ZDHHC3: variants seen among roughly 807,000 people sequenced by gnomAD.
ZDHHC3 encodes zDHHC palmitoyltransferase 3.
Under a neutral mutation model 30.6 loss-of-function variants are expected in ZDHHC3, and 9 were observed. The ratio of observed to expected loss-of-function variants is 0.29; its 90% CI spans 0.18 to 0.51. The LOEUF (loss-of-function observed/expected upper bound fraction) is 0.51, where lower values mean the gene tolerates loss of function less well. Among genes scored for constraint, ZDHHC3 ranks in the 20% least tolerant of loss-of-function variants. The pLI is 0.97. For synonymous variants in ZDHHC3, 136 were observed against 140.2 expected (o/e 0.97, Z 0.21); for missense variants, 246 against 384.2 (o/e 0.64, Z 3.01).
At chr3:44,946,091 C>T (rs1702908275) in intron 2 of ZDHHC3, among the ~76,000 whole-genome samples, 1 of 152,192 alleles carries the variant, frequency 6.6e-6, no homozygotes, top group South Asian at 2.1e-4. Flanking sequence ...TTTGCAGCTC[C>T]ACATTTTAAT....
intron 5 of ZDHHC3, among the ~76,000 whole-genome samples, chr3:44,930,823 C>T (rs1351864403): frequency 2.6e-5 from 4 of 152,092 alleles, no homozygotes; most frequent in Admixed American, 1.3e-4. Flanking sequence ...ATGGCCTGGC[C>T]GTGGGTGGCT....
Position 44,919,149 on chromosome 3 carries a change from A to T in ZDHHC3, c.*7540T>A. On this transcript the variant is annotated 3_prime_UTR_variant, in exon 7 of 7. Coordinates refer to ENST00000424952, the MANE Select transcript of ZDHHC3 (RefSeq NM_001135179.2). Reference sequence around the variant, plus strand: ...TCTCAAAAGTATATCCTCATAAGATACTTATCAATTACAAAGGGAAAAACA... The same window carrying T: ...TCTCAAAAGTATATCCTCATAAGATTCTTATCAATTACAAAGGGAAAAACA... The T allele has an allele frequency of 2.1e-6, 2 of 964,268 alleles. No individual in the cohort carries two copies. Among genetic ancestry groups the T allele is most frequent in the Non-Finnish European group, 2.5e-6 (2 of 811,082 alleles). 59.7% of individuals were successfully genotyped at this position (964,268 alleles called of 1,614,324 possible). A position where few individuals can be genotyped will look rare whatever the true frequency, so the allele number is the denominator to read the frequency against.
In ZDHHC3 at chr3:44,919,562, CAAAG is replaced by C. The variant is rs1487975206; in HGVS notation, c.*7123_*7126del. On this transcript the variant is annotated 3_prime_UTR_variant, in exon 7 of 7. Coordinates refer to ENST00000424952, the MANE Select transcript of ZDHHC3 (RefSeq NM_001135179.2). ...TAAAAAGGGTCAAGGTCATGAAAGA[CAAAG>C]GAAGACTGAGGAACTGTCACAAACT... 6.6e-6 allele frequency among the ~76,000 whole-genome samples: 1 copy of C among 152,124 alleles called. No homozygotes were observed. Among genetic ancestry groups the C allele is most frequent in the Non-Finnish European group, 1.5e-5 (1 of 68,034 alleles).
At chr3:44,944,242 C>T (rs895381306) in intron 3 of ZDHHC3, among the ~76,000 whole-genome samples, 4 of 152,130 alleles carry the variant, frequency 2.6e-5, no homozygotes, top group African/African-American at 7.2e-5. Context: ...CTCTGCCTCC[C>T]GGGTTCAAGC....
At position 44,922,486 on chromosome 3, in the gene ZDHHC3, T is replaced by G; in HGVS notation, c.*4203A>C. The G allele has an allele frequency of 2.0e-6, 2 of 985,444 alleles. No individual in the cohort carries two copies. The highest frequency in any genetic ancestry group is 2.4e-6 in the Non-Finnish European group (2 of 829,918). The allele number at this position is 985,444 out of a possible 1,614,324, so 61.0% of individuals were successfully genotyped here. ...TTTCTTTGATGTCTTGGCAGTTGTT[T>G]GTTGGGGAGGCCGCAGCTTATGAGG... On this transcript the variant is annotated 3_prime_UTR_variant, in exon 7 of 7. Transcript: ENST00000424952.
At chr3:44,946,816 C>T (rs545863491) in intron 2 of ZDHHC3, among the ~76,000 whole-genome samples, 69 of 152,218 alleles carry the variant, frequency 4.5e-4, no homozygotes, top group African/African-American at 1.4e-3. Flanking sequence ...GCGGGGAGGC[C>T]GGACCGATGG....
chr3:44,933,681 CA>C (rs1439994333), intron 4 of ZDHHC3, among the ~76,000 whole-genome samples: 1 of 152,172 alleles, frequency 6.6e-6, no homozygotes, highest in Non-Finnish European at 1.5e-5. Flanking sequence ...CATAGCTAAT[CA>C]ACTGAAATCA....
chr3:44,918,181 G>A lies in ZDHHC3; in HGVS notation c.*8508C>T. On this transcript the variant is annotated 3_prime_UTR_variant, in exon 7 of 7. Transcript: ENST00000424952. ...GGGGATGAAGAACATCGTCAGCGTG[G>A]TGCTGGGCTGTACAGCTCACATAGA... is the stretch of plus-strand genomic sequence containing the variant. 1 of 1,289,782 alleles carries A rather than the reference G, an allele frequency of 7.8e-7. No individual in the cohort carries two copies. The highest frequency in any genetic ancestry group is 1.0e-6 in the Non-Finnish European group (1 of 980,756). 79.9% of individuals were successfully genotyped at this position (1,289,782 alleles called of 1,614,324 possible). A position where few individuals can be genotyped will look rare whatever the true frequency, so the allele number is the denominator to read the frequency against.
intron 3 of ZDHHC3, among the ~76,000 whole-genome samples, chr3:44,937,509 C>CA (rs1164010339): frequency 6.7e-6 from 1 of 149,752 alleles, no homozygotes; most frequent in Non-Finnish European, 1.5e-5. Flanking sequence ...AGTTTGAGAC[C>CA]AGCATGGGCA....
intron 6 of ZDHHC3, among the ~76,000 whole-genome samples, chr3:44,928,782 GGCTGGGCCAGA>G (rs1462502134): frequency 6.6e-6 from 1 of 152,136 alleles, no homozygotes; most frequent in African/African-American, 2.4e-5. Context: ...TGAGGACCAG[GGCTGGGCCAGA>G]CAGAGATGAC....
rs116338953 is a variant in ZDHHC3, at chr3:44,970,760, T to C, written c.-25+5173A>G. On this transcript the variant is annotated intron_variant, in intron 1 of 6. Transcript: ENST00000424952. ...ACGACTTCCTTTTGTTCATTTAATT[T>C]TTTTCAGAGTGGAAAAAGCACTAGC... Among the ~76,000 whole-genome samples, 1,398 of 152,326 alleles carry C rather than the reference T, an allele frequency of 9.2e-3. 15 individuals are homozygous for C. Among genetic ancestry groups the C allele is most frequent in the African/African-American group, 0.032 (1,313 of 41,550 alleles).
intron 2 of ZDHHC3, among the ~76,000 whole-genome samples, chr3:44,945,538 G>GT (rs1559688317): frequency 2.0e-5 from 3 of 151,988 alleles, no homozygotes; most frequent in Non-Finnish European, 4.4e-5. Context: ...TCTTTTCTTT[G>GT]TTTTTTTGTT....
intron 5 of ZDHHC3, chr3:44,932,813 C>G (rs143388193): frequency 2.3e-4 from 263 of 1,148,260 alleles, no homozygotes; most frequent in Non-Finnish European, 3.2e-4. Flanking sequence ...ATGGCTCCCA[C>G]GCATTGGAAC....
intron 1 of ZDHHC3, among the ~76,000 whole-genome samples, chr3:44,961,771 G>A (rs1194801637): frequency 6.6e-6 from 1 of 152,228 alleles, no homozygotes; most frequent in South Asian, 2.1e-4. Flanking sequence ...CTGCCATGCA[G>A]ATTTATATTT....
chr3:44,920,193 T>C lies in ZDHHC3; in HGVS notation c.*6496A>G. The C allele has an allele frequency of 7.8e-7, 1 of 1,289,162 alleles. No individual in the cohort carries two copies. Among genetic ancestry groups the C allele is most frequent in the South Asian group, 1.2e-5 (1 of 81,008 alleles). 79.9% of individuals were successfully genotyped at this position (1,289,162 alleles called of 1,614,324 possible). A position where few individuals can be genotyped will look rare whatever the true frequency, so the allele number is the denominator to read the frequency against. On this transcript the variant is annotated 3_prime_UTR_variant, in exon 7 of 7. Transcript: ENST00000424952. Reference sequence around the variant, plus strand: ...TTGTTGACACAAGTCTAAAGGGACCTTCATGTGGGTCATGAGCATGTGATG... The same window carrying C: ...TTGTTGACACAAGTCTAAAGGGACCCTCATGTGGGTCATGAGCATGTGATG...
chr3:44,933,903 G>A lies in ZDHHC3; in HGVS notation c.513C>T (p.Tyr171=), dbSNP rs759337777. Residue 171 remains tyrosine, a synonymous_variant, in exon 4 of 7, where the codon TAC becomes TAT. Transcript: ENST00000424952. ...GCTGACTTACTGTAAACAGGACGAA[G>A]TACTTCTGGTTGTTCTCGCCTACAC... ...NNCVGENNQK[Y]FVLFTMYIAL... 3.8e-5 allele frequency: 61 copies of A among 1,614,084 alleles called. No individual in the cohort carries two copies. The highest frequency in any genetic ancestry group is 5.2e-5 in the Non-Finnish European group (61 of 1,180,024).
chr3:44,958,553 A>T, intron 2 of ZDHHC3: 1 of 1,525,268 alleles, frequency 6.6e-7, no homozygotes, highest in African/African-American at 1.4e-5. Context: ...TAAGTCATTG[A>T]GCAGAACACT....
intron 1 of ZDHHC3, among the ~76,000 whole-genome samples, chr3:44,962,849 A>C (rs1704602722): frequency 6.6e-6 from 1 of 152,170 alleles, no homozygotes; most frequent in South Asian, 2.1e-4. Context: ...TACTACTGCT[A>C]ATTGGCTGTG....
intron 1 of ZDHHC3, among the ~76,000 whole-genome samples, chr3:44,970,460 C>G (rs1412514675): frequency 1.3e-5 from 2 of 152,248 alleles, no homozygotes; most frequent in Admixed American, 6.5e-5. Context: ...AGTTACCATT[C>G]TGGGCCTCAG....
Sources: gnomAD v4.1 joint callset for allele counts (sites outside exome capture counted in the v4.1 genomes callset) on GRCh38, gnomAD v4.1.1 for gene constraint, MANE v1.5 for transcripts, NCBI Gene and HGNC (gene_info 2026-07-23, HGNC 2026-07-21) for gene names.